The following COL23A1 variants were observed in gnomAD, a reference collection of about 807,000 sequenced individuals.
COL23A1 encodes the protein collagen type XXIII alpha 1 chain.
Under a neutral mutation model 99.3 loss-of-function variants are expected in COL23A1, and 97 were observed. The observed-to-expected ratio is 0.98, with a 90% CI of 0.83 to 1.16. The LOEUF (loss-of-function observed/expected upper bound fraction) is 1.16, where lower values mean the gene tolerates loss of function less well. Among genes scored for constraint, COL23A1 ranks in the 50% most tolerant of loss-of-function variants. The pLI, the probability that COL23A1 is intolerant of heterozygous loss-of-function variation, is 0.00. For missense variants in COL23A1, 762 were observed against 757.4 expected (o/e 1.01, Z -0.07); for synonymous variants, 320 against 308.2 (o/e 1.04, Z -0.40).
chr5:178,573,275 T>C (rs1581663435), intron 1 of COL23A1, among the ~76,000 whole-genome samples: 1 of 152,298 alleles, frequency 6.6e-6, no homozygotes, highest in East Asian at 1.9e-4. Context: ...TGGTGGGTGG[T>C]AGAGTGTGTG....
At chr5:178,288,448 C>A in intron 4 of COL23A1, 98 bp from the exon 5 acceptor site, 1 of 1,050,884 alleles carries the variant, frequency 9.5e-7, no homozygotes, top group Non-Finnish European at 1.5e-6. Flanking sequence ...ACCCGCCCCC[C>A]GACAGCTGGT....
intron 2 of COL23A1, among the ~76,000 whole-genome samples, chr5:178,382,941 CAGG>C (rs1763462924): frequency 6.6e-6 from 1 of 152,030 alleles, no homozygotes; most frequent in African/African-American, 2.4e-5. Context: ...GAGCTGAGGA[CAGG>C]AGGGAGGGGG....
intron 2 of COL23A1, among the ~76,000 whole-genome samples, chr5:178,374,853 A>T (rs1198366713): frequency 6.6e-5 from 10 of 152,346 alleles, no homozygotes; most frequent in South Asian, 4.1e-4. Context: ...CCTGAGACTC[A>T]GAAATTCCAC....
intron 2 of COL23A1, among the ~76,000 whole-genome samples, chr5:178,335,768 G>T (rs1183143481): frequency 6.6e-6 from 1 of 152,214 alleles, no homozygotes; most frequent in Non-Finnish European, 1.5e-5. Context: ...AGGACACTGT[G>T]ATCACTGGCA....
chr5:178,311,293 C>T (rs1344267930), intron 2 of COL23A1, among the ~76,000 whole-genome samples: 2 of 152,118 alleles, frequency 1.3e-5, no homozygotes, highest in South Asian at 2.1e-4. Flanking sequence ...GTTTCCAACT[C>T]GGGAGGATAG....
chr5:178,463,047 G>A (rs1211152662), intron 2 of COL23A1, among the ~76,000 whole-genome samples: 7 of 152,258 alleles, frequency 4.6e-5, no homozygotes, highest in Non-Finnish European at 1.0e-4. Context: ...CAAAGGCCAC[G>A]TCAGCAGATG....
At position 178,544,920 on chromosome 5, in the gene COL23A1, A is replaced by C. The variant is rs1309984236; in HGVS notation, c.361+15762T>G. ...CCCGTCTCTAGAACAACAACAACAA[A>C]AAAAGAAAAATTAACAAAATTTAGC... is the stretch of plus-strand genomic sequence containing the variant. On this transcript the variant is annotated intron_variant, in intron 2 of 28. Transcript: ENST00000390654. The surrounding 1 kb of genome is among the most constrained non-coding windows in gnomAD (Gnocchi z 4.4). Among the ~76,000 whole-genome samples the C allele has an allele frequency of 2.6e-5, 4 of 151,988 alleles. No individual in the cohort carries two copies. Among genetic ancestry groups the C allele is most frequent in the Non-Finnish European group, 4.4e-5 (3 of 67,994 alleles).
intron 25 of COL23A1, among the ~76,000 whole-genome samples, chr5:178,245,085 A>G (rs1764603359): frequency 7.1e-6 from 1 of 140,910 alleles, no homozygotes; most frequent in Non-Finnish European, 1.5e-5. Flanking sequence ...TCTATCATCC[A>G]TCCATCCGTC....
chr5:178,293,319 G>C (rs1757563178), intron 3 of COL23A1, among the ~76,000 whole-genome samples: 1 of 152,000 alleles, frequency 6.6e-6, no homozygotes, highest in Non-Finnish European at 1.5e-5. Context: ...ATGGGGGCCT[G>C]GACAGTCCAT....
intron 1 of COL23A1, among the ~76,000 whole-genome samples, chr5:178,579,646 G>GT (rs1763561073): frequency 1.3e-5 from 2 of 152,172 alleles, no homozygotes; most frequent in Non-Finnish European, 2.9e-5. Flanking sequence ...GAGAGACGGG[G>GT]TTTCACCATG....
chr5:178,365,136 C>CGCGTGT lies in COL23A1; in HGVS notation c.362-58218_362-58217insACACGC. On this transcript the variant is annotated intron_variant, in intron 2 of 28. Transcript: ENST00000390654. This position sits in a 1 kb window ranked among gnomAD's most constrained non-coding sequence, Gnocchi z 5.2. Reference sequence around the variant, plus strand: ...GGGCTTTATGATGTTGCTGTGTGTGCGTGTGTGTGTGTGTGTGTGTGTGTG... The same window carrying CGCGTGT: ...GGGCTTTATGATGTTGCTGTGTGTGCGCGTGTGTGTGTGTGTGTGTGTGTGTGTGTG... 6.8e-6 allele frequency among the ~76,000 whole-genome samples: 1 copy of CGCGTGT among 147,806 alleles called. No homozygotes were observed. Among genetic ancestry groups the CGCGTGT allele is most frequent in the East Asian group, 2.1e-4 (1 of 4,878 alleles).
At chr5:178,461,963 C>T (rs912348586) in intron 2 of COL23A1, among the ~76,000 whole-genome samples, 2 of 152,204 alleles carry the variant, frequency 1.3e-5, no homozygotes, top group Non-Finnish European at 2.9e-5. Context: ...AAGGAGCTGC[C>T]GCGAAAGTTC....
intron 8 of COL23A1, chr5:178,265,547 G>T: frequency 2.6e-6 from 1 of 386,210 alleles, no homozygotes; most frequent in Non-Finnish European, 3.6e-6. Context: ...CAGCCTGCCT[G>T]CTCCTCCCTC....
At chr5:178,574,749 T>A (rs1763267201) in intron 1 of COL23A1, among the ~76,000 whole-genome samples, 1 of 150,972 alleles carries the variant, frequency 6.6e-6, no homozygotes, top group South Asian at 2.1e-4. Flanking sequence ...CTATGTTGTC[T>A]TTCCCACTTC....
At chr5:178,319,048 A>C (rs1759137023) in intron 2 of COL23A1, among the ~76,000 whole-genome samples, 1 of 151,684 alleles carries the variant, frequency 6.6e-6, no homozygotes, top group Admixed American at 6.6e-5. Context: ...GTACCCTCAC[A>C]GGCGGCAGGT....
At chr5:178,574,444 G>A (rs1763250888) in intron 1 of COL23A1, among the ~76,000 whole-genome samples, 1 of 152,158 alleles carries the variant, frequency 6.6e-6, no homozygotes, top group Non-Finnish European at 1.5e-5. Flanking sequence ...GCAGGATGTG[G>A]AGGGAAATTC....
chr5:178,503,956 C>T (rs769167713), intron 2 of COL23A1, among the ~76,000 whole-genome samples: 176 of 152,166 alleles, frequency 1.2e-3, no homozygotes, highest in Non-Finnish European at 9.3e-4. Context: ...AACAGGTCCT[C>T]GGGTGTTCAT....
chr5:178,472,766 C>G, intron 2 of COL23A1, among the ~76,000 whole-genome samples: 1 of 152,290 alleles, frequency 6.6e-6, no homozygotes, highest in Middle Eastern at 3.4e-3. Flanking sequence ...AGTGAACAGT[C>G]AGCCCTCCAT....
At chr5:178,440,913 G>A (rs1475807589) in intron 2 of COL23A1, among the ~76,000 whole-genome samples, 2 of 152,122 alleles carry the variant, frequency 1.3e-5, no homozygotes, top group Non-Finnish European at 1.5e-5. Flanking sequence ...CACCATGCCC[G>A]GCCTACTGTT....
Sources: gnomAD v4.1 joint callset for allele counts (sites outside exome capture counted in the v4.1 genomes callset) on GRCh38, gnomAD v4.1.1 for gene constraint, Gnocchi (gnomAD v3.1) non-coding constraint, MANE v1.5 for transcripts, NCBI Gene and HGNC (gene_info 2026-07-23, HGNC 2026-07-21) for gene names.